XKR4: variants seen among roughly 807,000 people sequenced by gnomAD.
The protein encoded by XKR4 is XK related 4, also known as XK-related protein 4.
A neutral mutation model predicts 53.9 loss-of-function variants in XKR4; 12 were observed. The observed-to-expected ratio is 0.22, with a 90% CI of 0.14 to 0.36. XKR4 has a LOEUF of 0.36. Among genes scored for constraint, XKR4 ranks in the 10% least tolerant of loss-of-function variants. The probability of loss-of-function intolerance (pLI) is 1.00; values close to 1 mark genes in which losing one functional copy is unlikely to be tolerated. For missense variants in XKR4, 799 were observed against 859.5 expected, an observed-to-expected ratio of 0.93 and a Z score of 0.88; for synonymous variants, 354 against 362.4, an observed-to-expected ratio of 0.98 and a Z score of 0.26.
At chr8:55,364,318 C>A (rs1246045782) in intron 2 of XKR4, among the ~76,000 whole-genome samples, 1 of 152,186 alleles carries the variant, frequency 6.6e-6, no homozygotes, top group African/African-American at 2.4e-5. Flanking sequence ...CTTTGCCCAG[C>A]ACATTCCACC....
At chr8:55,247,012 AG>A (rs1170579179) in intron 1 of XKR4, among the ~76,000 whole-genome samples, 1 of 152,236 alleles carries the variant, frequency 6.6e-6, no homozygotes, top group Non-Finnish European at 1.5e-5. Flanking sequence ...AAGCCAAGCC[AG>A]GAGGAAAAGG....
intron 2 of XKR4, chr8:55,449,789 G>A (rs1805403346): frequency 8.4e-7 from 1 of 1,196,802 alleles, no homozygotes; most frequent in African/African-American, 1.5e-5. Flanking sequence ...GGCCTTCCAG[G>A]GCTTCATGAA....
chr8:55,253,557 G>A (rs1255170039), intron 1 of XKR4, among the ~76,000 whole-genome samples: 1 of 152,158 alleles, frequency 6.6e-6, no homozygotes, highest in Non-Finnish European at 1.5e-5. Context: ...TGCATAGATT[G>A]TGTCTTGTTC....
intron 2 of XKR4, among the ~76,000 whole-genome samples, chr8:55,374,713 C>T (rs1298735148): frequency 3.3e-5 from 5 of 152,100 alleles, no homozygotes; most frequent in Admixed American, 3.3e-4. Context: ...CTGAAAAGAG[C>T]CTGATGGGTC....
At chr8:55,108,212 C>T (rs1816179647) in intron 1 of XKR4, among the ~76,000 whole-genome samples, 1 of 152,018 alleles carries the variant, frequency 6.6e-6, no homozygotes, top group Non-Finnish European at 1.5e-5. Flanking sequence ...CAAGAAAGAA[C>T]AAGGCAGGTT....
At chr8:55,163,686 A>T (rs919354183) in intron 1 of XKR4, among the ~76,000 whole-genome samples, 2 of 152,206 alleles carry the variant, frequency 1.3e-5, no homozygotes, top group African/African-American at 2.4e-5. Flanking sequence ...TCTCTACAAA[A>T]ATACAAAAAT....
intron 1 of XKR4, among the ~76,000 whole-genome samples, chr8:55,260,742 C>T (rs1281365307): frequency 6.6e-6 from 1 of 152,098 alleles, no homozygotes; most frequent in East Asian, 1.9e-4. Flanking sequence ...AAGCTGGCCA[C>T]CCCACCCTAA....
intron 2 of XKR4, among the ~76,000 whole-genome samples, chr8:55,457,146 C>CTTTTTTTTT (rs1554527639): frequency 7.3e-6 from 1 of 137,264 alleles, no homozygotes; most frequent in African/African-American, 2.7e-5. Flanking sequence ...TTTTCCTTTT[C>CTTTTTTTTT]TTTTTTTTTT....
At chr8:55,276,773 C>T (rs1315242946) in intron 1 of XKR4, among the ~76,000 whole-genome samples, 7 of 152,052 alleles carry the variant, frequency 4.6e-5, no homozygotes, top group Admixed American at 3.3e-4. Context: ...AAGAAATCAT[C>T]GACTATTATT....
At chr8:55,425,194 C>A (rs758991503) in intron 2 of XKR4, among the ~76,000 whole-genome samples, 9 of 152,154 alleles carry the variant, frequency 5.9e-5, no homozygotes, top group Non-Finnish European at 1.2e-4. Context: ...CTTTTCTGAT[C>A]CCTGGAGGCA....
chr8:55,464,989 A>T (rs1359426015), intron 2 of XKR4, among the ~76,000 whole-genome samples: 3 of 152,092 alleles, frequency 2.0e-5, no homozygotes, highest in Non-Finnish European at 4.4e-5. Context: ...ATAAAAGAGG[A>T]TACAAACAAA....
intron 1 of XKR4, among the ~76,000 whole-genome samples, chr8:55,216,089 G>C (rs1216837963): frequency 6.6e-6 from 1 of 152,174 alleles, no homozygotes; most frequent in African/African-American, 2.4e-5. Flanking sequence ...ATAAGTCATT[G>C]AACATTTTTA....
intron 1 of XKR4, among the ~76,000 whole-genome samples, chr8:55,354,991 C>T (rs142360648): frequency 0.077 from 11,614 of 151,140 alleles, 1,178 homozygotes; most frequent in African/African-American, 0.23. Flanking sequence ...GCAACCTCCG[C>T]CTCCTGGGTT....
intron 1 of XKR4, among the ~76,000 whole-genome samples, chr8:55,245,620 G>T (rs4472491): frequency 0.76 from 116,014 of 151,988 alleles, 47,506 homozygotes; most frequent in Non-Finnish European, 0.92. Context: ...CTTGCCAAGT[G>T]CAAAGCAGAA....
chr8:55,251,186 C>T (rs1563493369), intron 1 of XKR4, among the ~76,000 whole-genome samples: 2 of 152,048 alleles, frequency 1.3e-5, no homozygotes, highest in South Asian at 2.1e-4. Context: ...ATTTAAGTAT[C>T]GGTGTAGGTG....
At chr8:55,177,460 A>T (rs1817251119) in intron 1 of XKR4, among the ~76,000 whole-genome samples, 3 of 152,218 alleles carry the variant, frequency 2.0e-5, no homozygotes, top group African/African-American at 4.8e-5. Flanking sequence ...GTGTAGCAGC[A>T]CATAAGAATA....
At chr8:55,315,159 G>A (rs1474910223) in intron 1 of XKR4, among the ~76,000 whole-genome samples, 1 of 152,180 alleles carries the variant, frequency 6.6e-6, no homozygotes, top group Admixed American at 6.5e-5. Flanking sequence ...TATTTTAAAT[G>A]ACAGATACTA....
intron 1 of XKR4, among the ~76,000 whole-genome samples, chr8:55,184,671 A>G (rs1182601427): frequency 6.6e-6 from 1 of 152,188 alleles, no homozygotes; most frequent in Non-Finnish European, 1.5e-5. Flanking sequence ...TTTCACTGTT[A>G]AGTACGTGTT....
chr8:55,249,186 T>C (rs1818332313), intron 1 of XKR4, among the ~76,000 whole-genome samples: 1 of 152,108 alleles, frequency 6.6e-6, no homozygotes, highest in Admixed American at 6.6e-5. Context: ...TTGAAAGGGG[T>C]ATTTCCTGCA....
Sources: gnomAD v4.1 joint callset for allele counts (sites outside exome capture counted in the v4.1 genomes callset) on GRCh38, gnomAD v4.1.1 for gene constraint, MANE v1.5 for transcripts, NCBI Gene and HGNC (gene_info 2026-07-23, HGNC 2026-07-21) for gene names.